SIN3B: variants seen among roughly 807,000 people sequenced by gnomAD.
SIN3B encodes the protein paired amphipathic helix protein Sin3b.
SIN3B carries 19 observed loss-of-function variants against 120.2 expected under a neutral mutation model. That is an observed-to-expected ratio of 0.16 (90% CI 0.11 to 0.23). The LOEUF is 0.23. Among genes scored for constraint, SIN3B ranks in the 10% least tolerant of loss-of-function variants. SIN3B has a pLI of 1.00. For missense variants in SIN3B, 1,073 were observed against 1,573.0 expected (o/e 0.68, Z 5.38); for synonymous variants, 654 against 653.2 (o/e 1.00, Z -0.02).
At chr19:16,842,936 A>G (rs892885203) in intron 4 of SIN3B, among the ~76,000 whole-genome samples, 1 of 152,228 alleles carries the variant, frequency 6.6e-6, no homozygotes, top group Non-Finnish European at 1.5e-5. Context: ...GCAAAGGTCC[A>G]GAGACCAGAG....
intron 16 of SIN3B, chr19:16,877,237 T>C: frequency 4.9e-6 from 2 of 406,988 alleles, no homozygotes; most frequent in Non-Finnish European, 9.0e-6. Context: ...AACCACAGTG[T>C]GGGCCGGGCG....
chr19:16,857,553 G>GTGTGTATA (rs66778532), intron 8 of SIN3B, among the ~76,000 whole-genome samples: 119 of 139,542 alleles, frequency 8.5e-4, no homozygotes, highest in East Asian at 6.8e-3. Context: ...GTGTGTGTGT[G>GTGTGTATA]TATATATACA....
intron 8 of SIN3B, among the ~76,000 whole-genome samples, chr19:16,859,158 A>T (rs1239191693): frequency 2.0e-5 from 3 of 152,120 alleles, no homozygotes; most frequent in Admixed American, 1.3e-4. Flanking sequence ...TCAAAAAAAA[A>T]TAAGGAAGCT....
intron 3 of SIN3B, among the ~76,000 whole-genome samples, chr19:16,836,726 G>C (rs528177137): frequency 3.9e-5 from 6 of 152,134 alleles, no homozygotes. Context: ...GTCCTCTTCA[G>C]GGCAGACCCT....
intron 4 of SIN3B, 63 bp from the exon 5 acceptor site, chr19:16,846,907 C>A (rs1971486281): frequency 1.9e-6 from 3 of 1,552,328 alleles, no homozygotes; most frequent in South Asian, 1.2e-5. Flanking sequence ...GCCTGAGTGT[C>A]CCGGCCCAGG....
chr19:16,834,053 A>G (rs1481949618), intron 3 of SIN3B, among the ~76,000 whole-genome samples: 1 of 152,200 alleles, frequency 6.6e-6, no homozygotes, highest in Non-Finnish European at 1.5e-5. Flanking sequence ...GGAACTTGGA[A>G]GCGTGTGGCC....
rs1458115309 is a variant in SIN3B, at chr19:16,875,827, TTGGTTTGGTC to T, written c.2593-223_2593-214del. The stretch of plus-strand genomic sequence containing the variant: ...GTCTGTTTGGTCTGGTCTGGTCTGT[TTGGTTTGGTC>T]TGGTCTGGTCTGGTCTGTTTGGTCT... On this transcript the variant is annotated intron_variant, in intron 14 of 18. Coordinates refer to ENST00000248054, the MANE Select transcript of SIN3B (RefSeq NM_001297595.2). 1.1e-5 allele frequency: 6 copies of T among 569,270 alleles called. No individual in the cohort carries two copies. In the East Asian group the frequency reaches 1.8e-4, roughly 17 times the overall value. 35.3% of individuals were successfully genotyped at this position (569,270 alleles called of 1,614,324 possible).
Position 16,878,688 on chromosome 19 carries a change from C to T in SIN3B, c.3354C>T (p.Arg1118=), listed in dbSNP as rs752636652. 1.9e-6 allele frequency: 3 copies of T among 1,611,586 alleles called. No homozygotes were observed. The highest frequency in any genetic ancestry group is 2.5e-6 in the Non-Finnish European group (3 of 1,179,514). The change falls in exon 19 of 19, where the codon CGC becomes CGT. Residue 1118 remains arginine (R), a synonymous_variant. Transcript: ENST00000248054. ...ACGTGCACGGCCTGCCCGTGACCCGCTACCGCGTGCAGTACAGCCGCCGCC... is the reference window on the plus strand; with the variant it reads ...ACGTGCACGGCCTGCCCGTGACCCGTTACCGCGTGCAGTACAGCCGCCGCC... ...TVHVHGLPVT[R]YRVQYSRRPA... is the part of the protein sequence containing the mutation.
chr19:16,870,387 CTTT>C (rs397859319), intron 13 of SIN3B, among the ~76,000 whole-genome samples: 20 of 142,172 alleles, frequency 1.4e-4, no homozygotes, highest in Admixed American at 4.2e-4. Flanking sequence ...CTTTTTCTTT[CTTT>C]TTTTTTTTTT....
In SIN3B at chr19:16,854,669, G is replaced by A. The variant is rs117453375; in HGVS notation, c.1058+408G>A. 373 of 167,186 alleles carry A rather than the reference G, an allele frequency of 2.2e-3. 1 individual carries two copies. The highest frequency in any genetic ancestry group is 2.4e-3 in the Non-Finnish European group (188 of 77,476). The allele number at this position is 167,186 out of a possible 1,614,324, so 10.4% of individuals were successfully genotyped here. A position where few individuals can be genotyped will look rare whatever the true frequency, so the allele number is the denominator to read the frequency against. On this transcript the variant is annotated intron_variant, in intron 8 of 18. Coordinates refer to ENST00000248054, the MANE Select transcript of SIN3B (RefSeq NM_001297595.2). ...ATGTTAGGTTAAGTCTAGGTTAAGC[G>A]GTGAGTCTCCGTGGTCCCAGCCTGA...
chr19:16,836,693 A>G (rs1401854129), intron 3 of SIN3B, among the ~76,000 whole-genome samples: 3 of 152,162 alleles, frequency 2.0e-5, no homozygotes, highest in Non-Finnish European at 2.9e-5. Context: ...GCTGGTGGGA[A>G]CATGGCCGCT....
At chr19:16,865,108 G>C in intron 10 of SIN3B, 1 of 256,024 alleles carries the variant, frequency 3.9e-6, no homozygotes. Flanking sequence ...CAGGATTACA[G>C]GCGTGAGCCA....
chr19:16,860,403 T>A (rs1444455895), intron 8 of SIN3B, among the ~76,000 whole-genome samples: 2 of 152,268 alleles, frequency 1.3e-5, no homozygotes, highest in East Asian at 3.9e-4. Flanking sequence ...TCTCTGCAGC[T>A]TTTTTGTTGG....
intron 14 of SIN3B, among the ~76,000 whole-genome samples, chr19:16,872,945 G>A (rs1296757754): frequency 2.0e-5 from 3 of 152,218 alleles, no homozygotes; most frequent in Non-Finnish European, 4.4e-5. Flanking sequence ...CCCCGTGGGT[G>A]TGTCTGCGGT....
intron 3 of SIN3B, among the ~76,000 whole-genome samples, chr19:16,832,081 C>T (rs1028081035): frequency 2.0e-5 from 3 of 152,048 alleles, no homozygotes; most frequent in African/African-American, 7.2e-5. Flanking sequence ...TGTGAGTAGC[C>T]ACGTTTATGT....
intron 13 of SIN3B, among the ~76,000 whole-genome samples, 156 bp from the exon 14 acceptor site, chr19:16,871,073 G>T (rs1219077239): frequency 6.6e-6 from 1 of 152,272 alleles, no homozygotes; most frequent in Non-Finnish European, 1.5e-5. Flanking sequence ...CAGCTACTCG[G>T]GTTTCCTGGT....
At chr19:16,878,444 G>C in intron 18 of SIN3B, 53 bp from the exon 19 acceptor site, 1 of 1,577,424 alleles carries the variant, frequency 6.3e-7, no homozygotes. Flanking sequence ...CCCAAGTCCT[G>C]GGGCCCTGGG....
chr19:16,877,824 A>C (rs895521701), intron 17 of SIN3B, among the ~76,000 whole-genome samples, 185 bp downstream of exon 17: 1 of 152,138 alleles, frequency 6.6e-6, no homozygotes, highest in East Asian at 1.9e-4. Flanking sequence ...TAGTAACCCC[A>C]GGACGGTGAG....
chr19:16,848,217 T>G (rs1407408259), intron 5 of SIN3B, among the ~76,000 whole-genome samples: 2 of 152,218 alleles, frequency 1.3e-5, no homozygotes, highest in Non-Finnish European at 2.9e-5. Flanking sequence ...TCAACATTTA[T>G]TGCACGGATT....
Sources: allele counts gnomAD v4.1 joint callset (sites outside exome capture counted in the v4.1 genomes callset), GRCh38; gene constraint gnomAD v4.1.1; transcripts MANE v1.5; gene names NCBI Gene and HGNC (gene_info 2026-07-23, HGNC 2026-07-21).